Variants in ALK observed in about 807,000 individuals in gnomAD.
The protein encoded by ALK is ALK tyrosine kinase receptor.
A neutral mutation model predicts 163.1 loss-of-function variants in ALK; 74 were observed. The ratio of observed to expected loss-of-function variants is 0.45; its 90% CI spans 0.38 to 0.55. ALK has a LOEUF of 0.55. Ranked by LOEUF, ALK falls within the 20% of genes least tolerant of loss-of-function variation. ALK has a pLI of 0.00. For missense variants in ALK, 2,063 were observed against 2,105.3 expected (o/e 0.98, Z 0.39); for synonymous variants, 960 against 843.2 (o/e 1.14, Z -2.40).
intron 4 of ALK, among the ~76,000 whole-genome samples, chr2:29,389,489 T>C (rs188911508): frequency 1.1e-4 from 17 of 152,316 alleles, no homozygotes; most frequent in Admixed American, 2.6e-4. Flanking sequence ...ATGTTTTTCA[T>C]TGGCCTCTAC....
intron 4 of ALK, among the ~76,000 whole-genome samples, chr2:29,462,051 G>A (rs1262263654): frequency 6.6e-6 from 1 of 152,152 alleles, no homozygotes; most frequent in African/African-American, 2.4e-5. Context: ...AGGTGTGGTA[G>A]AAACAGCCAG....
intron 3 of ALK, among the ~76,000 whole-genome samples, chr2:29,622,482 G>A (rs1454367296): frequency 2.0e-5 from 3 of 152,178 alleles, no homozygotes; most frequent in Admixed American, 2.0e-4. Flanking sequence ...GGAAAGACCA[G>A]TCCCCATGAT....
chr2:29,251,465 G>C (rs1179065587), intron 11 of ALK, among the ~76,000 whole-genome samples, 198 bp from the exon 12 acceptor site: 1 of 152,232 alleles, frequency 6.6e-6, no homozygotes, highest in Non-Finnish European at 1.5e-5. Context: ...GCCAGACCCT[G>C]AGTCAGAGAC....
intron 1 of ALK, among the ~76,000 whole-genome samples, chr2:29,850,043 A>G (rs1665949689): frequency 6.6e-6 from 1 of 152,228 alleles, no homozygotes; most frequent in Non-Finnish European, 1.5e-5. Context: ...AAATGCAACA[A>G]AATGATAGCC....
At chr2:29,789,837 G>A (rs558512237) in intron 1 of ALK, among the ~76,000 whole-genome samples, 1 of 152,292 alleles carries the variant, frequency 6.6e-6, no homozygotes, top group South Asian at 2.1e-4. Context: ...AGCTTCCCAG[G>A]TGATTAACAT....
intron 3 of ALK, among the ~76,000 whole-genome samples, chr2:29,589,607 C>T (rs995562214): frequency 3.9e-5 from 6 of 152,188 alleles, no homozygotes; most frequent in Admixed American, 2.6e-4. Flanking sequence ...AAACCTCAAA[C>T]ACTCACAGCC....
chr2:29,259,598 G>C (rs1252553960), intron 11 of ALK, among the ~76,000 whole-genome samples: 1 of 152,054 alleles, frequency 6.6e-6, no homozygotes, highest in Non-Finnish European at 1.5e-5. Context: ...AAGTGTTGCT[G>C]TCAAAAACTG....
At chr2:29,676,527 C>A (rs1344401410) in intron 3 of ALK, among the ~76,000 whole-genome samples, 1 of 151,960 alleles carries the variant, frequency 6.6e-6, no homozygotes, top group Non-Finnish European at 1.5e-5. Flanking sequence ...ATAAGCCTCT[C>A]CTTTCTTTAA....
chr2:29,388,296 A>G (rs969729763), intron 4 of ALK, among the ~76,000 whole-genome samples: 1 of 152,242 alleles, frequency 6.6e-6, no homozygotes, highest in African/African-American at 2.4e-5. Flanking sequence ...CGTGAGGACC[A>G]TGAGTGGCAG....
At chr2:29,658,028 C>T (rs1258407669) in intron 3 of ALK, among the ~76,000 whole-genome samples, 2 of 152,080 alleles carry the variant, frequency 1.3e-5, no homozygotes, top group Non-Finnish European at 1.5e-5. Flanking sequence ...TGCATGTGTC[C>T]TGTTCCGGGA....
intron 4 of ALK, among the ~76,000 whole-genome samples, chr2:29,444,598 C>A (rs1028535902): frequency 4.6e-5 from 7 of 152,242 alleles, no homozygotes; most frequent in African/African-American, 9.6e-5. Flanking sequence ...ATTAAAAATT[C>A]TGTTTTACAA....
chr2:29,319,369 G>C (rs1001770311), intron 7 of ALK, among the ~76,000 whole-genome samples: 1 of 152,100 alleles, frequency 6.6e-6, no homozygotes, highest in Non-Finnish European at 1.5e-5. Flanking sequence ...TAACAAATTC[G>C]GGTGGGTCAA....
intron 8 of ALK, among the ~76,000 whole-genome samples, chr2:29,314,317 C>T (rs1294745565): frequency 6.6e-6 from 1 of 152,110 alleles, no homozygotes; most frequent in Non-Finnish European, 1.5e-5. Context: ...CCCTTTTCTC[C>T]AGGCCCATGT....
intron 1 of ALK, among the ~76,000 whole-genome samples, chr2:29,748,789 A>G (rs1377856318): frequency 3.3e-5 from 5 of 152,060 alleles, no homozygotes; most frequent in Admixed American, 2.0e-4. Context: ...TCTGTCACCC[A>G]GGCTGGAATG....
intron 8 of ALK, among the ~76,000 whole-genome samples, chr2:29,307,600 G>A (rs1350925689): frequency 6.6e-6 from 1 of 152,116 alleles, no homozygotes; most frequent in Admixed American, 6.5e-5. Flanking sequence ...GACTTCCCTG[G>A]TTTCAGTGTG....
intron 1 of ALK, among the ~76,000 whole-genome samples, chr2:29,847,866 A>G (rs1199449975): frequency 6.6e-6 from 1 of 151,094 alleles, no homozygotes; most frequent in East Asian, 2.0e-4. Context: ...AGATGAAGCA[A>G]AGGAGGAAGG....
At chr2:29,439,704 A>G (rs1670488893) in intron 4 of ALK, among the ~76,000 whole-genome samples, 1 of 148,608 alleles carries the variant, frequency 6.7e-6, no homozygotes, top group Non-Finnish European at 1.5e-5. Flanking sequence ...AAAAAAAAAA[A>G]GGATGGGAGA....
intron 3 of ALK, chr2:29,681,062 T>G (rs148481922): frequency 6.6e-6 from 1 of 152,252 alleles, no homozygotes; most frequent in African/African-American, 2.4e-5. Context: ...CAGGCTGGAG[T>G]GCTGTGGCTA....
At chr2:29,728,171 C>A (rs1255150969) in intron 1 of ALK, among the ~76,000 whole-genome samples, 2 of 152,214 alleles carry the variant, frequency 1.3e-5, no homozygotes, top group African/African-American at 4.8e-5. Context: ...GTGCCTATTA[C>A]ACACGGTGCC....
Sources: gnomAD v4.1 joint callset for allele counts (sites outside exome capture counted in the v4.1 genomes callset) on GRCh38, gnomAD v4.1.1 for gene constraint, MANE v1.5 for transcripts, NCBI Gene and HGNC (gene_info 2026-07-23, HGNC 2026-07-21) for gene names.